The following TDRD3 variants were observed in gnomAD, a reference collection of about 807,000 sequenced individuals.
The protein encoded by TDRD3 is tudor domain-containing protein 3.
TDRD3 carries 45 observed loss-of-function variants against 86.7 expected under a neutral mutation model. That is an observed-to-expected ratio of 0.52 (90% CI 0.41 to 0.67). The LOEUF is 0.67. Among genes scored for constraint, TDRD3 ranks in the 30% least tolerant of loss-of-function variants. The pLI is 0.00. For synonymous variants in TDRD3, 298 were observed against 301.7 expected (o/e 0.99, Z 0.13); for missense variants, 814 against 889.0 (o/e 0.92, Z 1.07).
At chr13:60,542,979 T>C (rs138842785) in intron 12 of TDRD3, among the ~76,000 whole-genome samples, 1 of 152,156 alleles carries the variant, frequency 6.6e-6, no homozygotes, top group African/African-American at 2.4e-5. Flanking sequence ...AAGAGTGGAG[T>C]TGTTCTGTTT....
At chr13:60,452,057 CCT>C (rs1418608802) in intron 3 of TDRD3, among the ~76,000 whole-genome samples, 1 of 152,102 alleles carries the variant, frequency 6.6e-6, no homozygotes, top group Non-Finnish European at 1.5e-5. Flanking sequence ...ATAAATATTC[CCT>C]GTTTGGCTGA....
At chr13:60,507,163 T>C (rs938959499) in intron 8 of TDRD3, among the ~76,000 whole-genome samples, 3 of 152,134 alleles carry the variant, frequency 2.0e-5, no homozygotes, top group Admixed American at 6.5e-5. Flanking sequence ...CCCAAATATA[T>C]ATGCACCCAA....
chr13:60,485,968 C>G lies in TDRD3; in HGVS notation c.717+20C>G, dbSNP rs1473696302. On this transcript the variant is annotated intron_variant, in intron 7 of 13. Transcript: ENST00000377881. ...AAGGAAGTAAGAAATCAAATCATTA[C>G]ACGTTTTATTTCTTATCATTATGTT... The G allele has an allele frequency of 1.9e-6, 3 of 1,584,020 alleles. No homozygotes were observed. Among genetic ancestry groups the G allele is most frequent in the Non-Finnish European group, 2.6e-6 (3 of 1,167,768 alleles).
At chr13:60,456,176 G>A (rs935100387) in intron 3 of TDRD3, among the ~76,000 whole-genome samples, 2 of 151,884 alleles carry the variant, frequency 1.3e-5, no homozygotes. Context: ...TGTTTATCCA[G>A]ATGTGATTAT....
chr13:60,547,077 T>G (rs1349823775), intron 12 of TDRD3, among the ~76,000 whole-genome samples: 1 of 152,170 alleles, frequency 6.6e-6, no homozygotes, highest in Non-Finnish European at 1.5e-5. Context: ...CTAAGCAAAA[T>G]TTTTAAGCAA....
chr13:60,493,101 G>C (rs1399051433), intron 7 of TDRD3, among the ~76,000 whole-genome samples: 1 of 151,086 alleles, frequency 6.6e-6, no homozygotes, highest in Non-Finnish European at 1.5e-5. Flanking sequence ...TGTATTTTTA[G>C]TAGAAACGGG....
At chr13:60,545,866 C>T (rs962203474) in intron 12 of TDRD3, among the ~76,000 whole-genome samples, 14 of 151,998 alleles carry the variant, frequency 9.2e-5, no homozygotes, top group African/African-American at 3.1e-4. Flanking sequence ...TGTTTATTCT[C>T]TTCCTTTTTG....
intron 10 of TDRD3, among the ~76,000 whole-genome samples, chr13:60,522,733 A>G (rs1957316950): frequency 6.6e-6 from 1 of 152,248 alleles, no homozygotes; most frequent in Non-Finnish European, 1.5e-5. Flanking sequence ...TATTAATTTT[A>G]GGTCAGGATT....
intron 1 of TDRD3, among the ~76,000 whole-genome samples, chr13:60,433,780 C>T (rs986879628): frequency 7.2e-5 from 11 of 152,154 alleles, no homozygotes; most frequent in African/African-American, 2.7e-4. Flanking sequence ...ATGGCTGCCC[C>T]CTTTAGCTCA....
At chr13:60,509,521 T>G in intron 8 of TDRD3, 1 of 438,304 alleles carries the variant, frequency 2.3e-6, no homozygotes, top group Non-Finnish European at 4.1e-6. Context: ...AAAATTTATT[T>G]TTTGTGTGTT....
chr13:60,558,171 GTATC>G (rs933984282), intron 12 of TDRD3, among the ~76,000 whole-genome samples: 1 of 152,068 alleles, frequency 6.6e-6, no homozygotes, highest in Non-Finnish European at 1.5e-5. Flanking sequence ...GTGGCATACT[GTATC>G]TGTCTGTATT....
chr13:60,457,839 CT>C (rs1289578059), intron 3 of TDRD3, among the ~76,000 whole-genome samples: 2 of 152,100 alleles, frequency 1.3e-5, no homozygotes, highest in African/African-American at 2.4e-5. Flanking sequence ...TAATTTCTGC[CT>C]TCATTTTCAA....
chr13:60,510,798 C>A, intron 10 of TDRD3, 43 bp downstream of exon 10: 17 of 1,302,868 alleles, frequency 1.3e-5, no homozygotes, highest in East Asian at 2.9e-5. Flanking sequence ...TCTTTCTTTT[C>A]TTTCTTTTTT....
chr13:60,431,941 GAA>G (rs1039664145), intron 1 of TDRD3, among the ~76,000 whole-genome samples: 1 of 151,834 alleles, frequency 6.6e-6, no homozygotes, highest in African/African-American at 2.4e-5. Flanking sequence ...AAGCCACAGA[GAA>G]AATTAAATTT....
In TDRD3 at chr13:60,427,397, G is replaced by T. The variant is rs1954838963; in HGVS notation, c.42-12291G>T. Reference sequence around the variant, plus strand: ...GAATATTGTTTCCTGTGTTATTAAAGGTACTTTTTTTTTGTGGGGAGGCTG... The same window carrying T: ...GAATATTGTTTCCTGTGTTATTAAATGTACTTTTTTTTTGTGGGGAGGCTG... On this transcript the variant is annotated intron_variant, in intron 1 of 13. Coordinates refer to ENST00000377881, the MANE Select transcript of TDRD3 (RefSeq NM_001146070.2). 3.9e-5 allele frequency among the ~76,000 whole-genome samples: 6 copies of T among 152,178 alleles called. No homozygotes were observed. In the South Asian group the frequency reaches 1.2e-3, roughly 32 times the overall value.
At chr13:60,497,330 G>A (rs752115708) in intron 8 of TDRD3, among the ~76,000 whole-genome samples, 4 of 152,182 alleles carry the variant, frequency 2.6e-5, no homozygotes, top group Non-Finnish European at 5.9e-5. Context: ...GAATGCCTGG[G>A]TTTAGATCCC....
chr13:60,475,600 A>C (rs1410559505), intron 5 of TDRD3, among the ~76,000 whole-genome samples: 1 of 152,166 alleles, frequency 6.6e-6, no homozygotes, highest in Admixed American at 6.5e-5. Flanking sequence ...TTGAACTCTT[A>C]GTTCTTTGAG....
Position 60,492,917 on chromosome 13 carries a change from C to CTTTTTTTT in TDRD3, c.718-1506_718-1499dup, listed in dbSNP as rs71199004. ...CGTTTCAAATAATTTTCTTTCTTTT[C>CTTTTTTTT]TTTTTTTTTTTTTTTTTTTGAGACG... is the stretch of plus-strand genomic sequence containing the variant. On this transcript the variant is annotated intron_variant, in intron 7 of 13. Transcript: ENST00000377881. Among the ~76,000 whole-genome samples, 24 of 115,464 alleles carry CTTTTTTTT rather than the reference C, an allele frequency of 2.1e-4. 1 individual carries two copies. Among genetic ancestry groups the CTTTTTTTT allele is most frequent in the Non-Finnish European group, 3.0e-4 (17 of 57,056 alleles). The allele number at this position is 115,464 out of a possible 152,430, so 75.7% of individuals were successfully genotyped here.
chr13:60,561,175 G>A (rs1456114060), intron 12 of TDRD3, among the ~76,000 whole-genome samples: 2 of 152,086 alleles, frequency 1.3e-5, no homozygotes, highest in Non-Finnish European at 2.9e-5. Context: ...AATGAAACCC[G>A]AGGGTTTTTT....
Sources: gnomAD v4.1 joint callset for allele counts (sites outside exome capture counted in the v4.1 genomes callset) on GRCh38, gnomAD v4.1.1 for gene constraint, MANE v1.5 for transcripts, NCBI Gene and HGNC (gene_info 2026-07-23, HGNC 2026-07-21) for gene names.